The following MYRIP variants were observed in gnomAD, a reference collection of about 807,000 sequenced individuals.
MYRIP encodes the protein myosin VIIA and Rab interacting protein, also known as rab effector MyRIP.
Under a neutral mutation model 98.0 loss-of-function variants are expected in MYRIP, and 49 were observed. That is an observed-to-expected ratio of 0.50 (90% CI 0.40 to 0.63). The LOEUF (loss-of-function observed/expected upper bound fraction) is 0.63. Ranked by LOEUF, MYRIP falls within the 30% of genes least tolerant of loss-of-function variation. MYRIP has a pLI of 0.00. For missense variants in MYRIP, 1,004 were observed against 1,058.2 expected (o/e 0.95, Z 0.71); for synonymous variants, 404 against 409.5 (o/e 0.99, Z 0.16).
chr3:40,238,652 CTT>C (rs1376736115), intron 12 of MYRIP: 5 of 151,824 alleles, frequency 3.3e-5, no homozygotes, highest in Non-Finnish European at 1.5e-5. Flanking sequence ...GCCTGTGTGG[CTT>C]CTGTAATGGG....
intron 3 of MYRIP, among the ~76,000 whole-genome samples, chr3:40,074,449 C>A (rs1020075711): frequency 5.3e-5 from 8 of 152,040 alleles, no homozygotes; most frequent in African/African-American, 1.9e-4. Flanking sequence ...TTAAATGGTA[C>A]ATATTAAAAT....
At chr3:39,928,537 A>G (rs1327814154) in intron 2 of MYRIP, among the ~76,000 whole-genome samples, 1 of 151,952 alleles carries the variant, frequency 6.6e-6, no homozygotes, top group East Asian at 1.9e-4. Flanking sequence ...TAAAAAAACA[A>G]TCAATGTAAT....
chr3:40,042,999 A>G (rs896417808), intron 2 of MYRIP, among the ~76,000 whole-genome samples: 8 of 152,222 alleles, frequency 5.3e-5, no homozygotes. Context: ...GCTGTGGCTC[A>G]CTGCTGCTAT....
rs1321719960 is a variant in MYRIP at position 40,167,178 on chromosome 3, G to A, written c.668G>A (p.Ser223Asn). Reference sequence around the variant, plus strand: ...CCTCAGGACAAGCAAAATGAGGCCAGTTACCTGCGGGACCACAAGGAGGAG... The same window carrying A: ...CCTCAGGACAAGCAAAATGAGGCCAATTACCTGCGGGACCACAAGGAGGAG... Reference protein sequence around the residue: ...GDSLDKQNEASYLRDHKEELT... With the variant: ...GDSLDKQNEANYLRDHKEELT... The change falls in exon 7 of 17, where the codon AGT becomes AAT. Residue 223 changes from serine to asparagine, a missense_variant. Ser to Asn is a conservative substitution (Grantham distance 46). Coordinates refer to ENST00000302541, the MANE Select transcript of MYRIP (RefSeq NM_015460.4). The A allele has an allele frequency of 4.3e-6, 7 of 1,614,182 alleles. No individual in the cohort carries two copies. The Admixed American group carries it at 1.0e-4, about 23-fold the overall frequency.
At chr3:39,923,170 G>T (rs1255930865) in intron 2 of MYRIP, among the ~76,000 whole-genome samples, 1 of 152,068 alleles carries the variant, frequency 6.6e-6, no homozygotes, top group Non-Finnish European at 1.5e-5. Context: ...AAGTAGAGTG[G>T]ACTGAAAGTG....
rs1384746518 is a variant in MYRIP at position 39,874,529 on chromosome 3, T to C, written c.-30-26258T>C. On this transcript the variant is annotated intron_variant, in intron 1 of 16. Coordinates refer to ENST00000302541, the MANE Select transcript of MYRIP (RefSeq NM_015460.4). ...AGATACGTCCCATCAATACCTAATT[T>C]ATTGAGAGTTTTTAGTATGAAGGGT... Among the ~76,000 whole-genome samples, 3 of 152,334 alleles carry C rather than the reference T, an allele frequency of 2.0e-5. No individual in the cohort carries two copies. The East Asian group carries it at 5.8e-4, about 29-fold the overall frequency.
chr3:40,037,357 A>C (rs1461055884), intron 2 of MYRIP, among the ~76,000 whole-genome samples: 1 of 152,076 alleles, frequency 6.6e-6, no homozygotes, highest in African/African-American at 2.4e-5. Context: ...GGAGATATAT[A>C]GCCTTTTATC....
chr3:40,246,100 G>A (rs201628550), intron 13 of MYRIP, among the ~76,000 whole-genome samples: 12 of 36,086 alleles, frequency 3.3e-4, no homozygotes, highest in African/African-American at 2.6e-3. Context: ...AACTGTGGTC[G>A]TCAATAAAAC....
At chr3:39,843,940 G>A (rs2125597729) in intron 1 of MYRIP, among the ~76,000 whole-genome samples, 1 of 152,304 alleles carries the variant, frequency 6.6e-6, no homozygotes, top group Non-Finnish European at 1.5e-5. Flanking sequence ...TTGGCCTCAT[G>A]GGGACAGGCT....
At chr3:39,981,136 T>G (rs115944804) in intron 2 of MYRIP, among the ~76,000 whole-genome samples, 1,723 of 152,354 alleles carry the variant, frequency 0.011, 41 homozygotes, top group African/African-American at 0.04. Context: ...ATATGACTTT[T>G]CTGGCTCCAG....
chr3:39,964,941 G>A (rs897319663), intron 2 of MYRIP, among the ~76,000 whole-genome samples: 1 of 152,004 alleles, frequency 6.6e-6, no homozygotes, highest in Non-Finnish European at 1.5e-5. Flanking sequence ...AGTTTTGAAA[G>A]GAAACTAGAA....
intron 1 of MYRIP, among the ~76,000 whole-genome samples, chr3:39,811,384 G>A (rs1575261749): frequency 2.0e-5 from 3 of 152,200 alleles, no homozygotes; most frequent in Admixed American, 2.0e-4. Flanking sequence ...AAAAGTCGAA[G>A]GAAGATGGTT....
At chr3:40,257,263 A>G (rs1372441102) in intron 16 of MYRIP, among the ~76,000 whole-genome samples, 1 of 152,204 alleles carries the variant, frequency 6.6e-6, no homozygotes, top group Non-Finnish European at 1.5e-5. Flanking sequence ...TTGAGGTTGC[A>G]GTGAGCTATG....
intron 2 of MYRIP, among the ~76,000 whole-genome samples, chr3:39,922,984 C>T (rs138204679): frequency 7.1e-6 from 1 of 141,718 alleles, no homozygotes; most frequent in Admixed American, 7.0e-5. Flanking sequence ...AATAATAAAC[C>T]CTTAACGAGG....
chr3:40,125,419 C>T (rs941338546), intron 3 of MYRIP, among the ~76,000 whole-genome samples: 1 of 152,136 alleles, frequency 6.6e-6, no homozygotes, highest in Admixed American at 6.5e-5. Flanking sequence ...GCCAGTCTTT[C>T]CTTTTCACAT....
chr3:39,900,198 C>G (rs938190268), intron 1 of MYRIP, among the ~76,000 whole-genome samples: 8 of 152,286 alleles, frequency 5.3e-5, no homozygotes, highest in African/African-American at 1.7e-4. Flanking sequence ...ACAATATCAT[C>G]TTTGCTGCTG....
rs531804220 is a variant in MYRIP, at chr3:40,119,947, T to C, written c.333-31101T>C. On this transcript the variant is annotated intron_variant, in intron 3 of 16. Coordinates refer to ENST00000302541, the MANE Select transcript of MYRIP (RefSeq NM_015460.4). ...TAAAATAAATAAATAAATAAATAAA[T>C]AAACTAATACACAAAAAGAGAGGAT... Among the ~76,000 whole-genome samples the C allele has an allele frequency of 1.4e-3, 215 of 151,924 alleles. 2 individuals carry two copies. The highest frequency in any genetic ancestry group is 2.0e-3 in the Non-Finnish European group (134 of 67,952).
At chr3:40,073,626 C>T (rs1022474104) in intron 3 of MYRIP, among the ~76,000 whole-genome samples, 1 of 152,244 alleles carries the variant, frequency 6.6e-6, no homozygotes, top group African/African-American at 2.4e-5. Context: ...ATTGCCTCTG[C>T]GTATCTCTTA....
At chr3:39,860,797 C>T (rs1942446445) in intron 1 of MYRIP, among the ~76,000 whole-genome samples, 1 of 152,226 alleles carries the variant, frequency 6.6e-6, no homozygotes, top group African/African-American at 2.4e-5. Flanking sequence ...AGTGTATGCA[C>T]ACATGGGTTG....
Sources: allele counts gnomAD v4.1 joint callset (sites outside exome capture counted in the v4.1 genomes callset), GRCh38; gene constraint gnomAD v4.1.1; transcripts MANE v1.5; gene names NCBI Gene and HGNC (gene_info 2026-07-23, HGNC 2026-07-21).